Variants in SATB2 observed in about 807,000 individuals in gnomAD.
The protein encoded by SATB2 is SATB homeobox 2, also known as DNA-binding protein SATB2.
Under a neutral mutation model 73.4 loss-of-function variants are expected in SATB2, and 1 was observed. The observed-to-expected ratio is 0.01, with a 90% CI of 0.00 to 0.06. SATB2 has a LOEUF of 0.06. SATB2 is among the 10% of genes least tolerant of loss of function. The pLI is 1.00. For synonymous variants in SATB2, 397 were observed against 367.0 expected, an observed-to-expected ratio of 1.08 and a Z score of -0.93; for missense variants, 459 against 945.8, an observed-to-expected ratio of 0.49 and a Z score of 6.75.
At chr2:199,333,188 TTTC>T (rs1688238391) in intron 7 of SATB2, among the ~76,000 whole-genome samples, 1 of 152,060 alleles carries the variant, frequency 6.6e-6, no homozygotes, top group Non-Finnish European at 1.5e-5. Flanking sequence ...TATTAATTCA[TTTC>T]TTATTTATGA....
chr2:199,417,724 C>A (rs1245691062), intron 3 of SATB2, among the ~76,000 whole-genome samples: 1 of 152,088 alleles, frequency 6.6e-6, no homozygotes, highest in Non-Finnish European at 1.5e-5. Flanking sequence ...ACAATTTTAA[C>A]CAGATGATGG....
intron 10 of SATB2, among the ~76,000 whole-genome samples, chr2:199,299,887 G>T (rs1687230185): frequency 6.6e-6 from 1 of 152,104 alleles, no homozygotes; most frequent in Non-Finnish European, 1.5e-5. Context: ...CAGATGAAAT[G>T]TGACAAGGCA....
chr2:199,336,325 G>A (rs1688337856), intron 7 of SATB2, among the ~76,000 whole-genome samples: 1 of 152,028 alleles, frequency 6.6e-6, no homozygotes, highest in Non-Finnish European at 1.5e-5. Context: ...CAAGTACCTG[G>A]CACTATGACT....
chr2:199,329,057 G>A (rs1462166324), intron 7 of SATB2, 147 bp from the exon 8 acceptor site: 11 of 703,350 alleles, frequency 1.6e-5, no homozygotes, highest in East Asian at 5.4e-5. Context: ...AGGGTTCTCC[G>A]ATATGAAGTC....
intron 2 of SATB2, among the ~76,000 whole-genome samples, chr2:199,436,559 A>G (rs1235286849): frequency 6.6e-6 from 1 of 152,204 alleles, no homozygotes; most frequent in Non-Finnish European, 1.5e-5. Flanking sequence ...AATATCATAA[A>G]GGGCTTATTC....
intron 10 of SATB2, among the ~76,000 whole-genome samples, chr2:199,297,206 T>C (rs1217919124): frequency 6.6e-6 from 1 of 152,378 alleles, no homozygotes; most frequent in East Asian, 1.9e-4. Flanking sequence ...GTATTTGTTG[T>C]GAACTACACT....
chr2:199,384,455 G>T (rs368287688), intron 3 of SATB2, among the ~76,000 whole-genome samples: 6 of 152,210 alleles, frequency 3.9e-5, no homozygotes, highest in African/African-American at 1.4e-4. Flanking sequence ...GTAGAGGCTT[G>T]GAGTAACTCT....
At chr2:199,403,662 GT>G (rs1284805063) in intron 3 of SATB2, among the ~76,000 whole-genome samples, 1 of 152,080 alleles carries the variant, frequency 6.6e-6, no homozygotes, top group Non-Finnish European at 1.5e-5. Context: ...AGAAATCTCA[GT>G]TTTTTAAATA....
Position 199,464,229 on chromosome 2 carries a change from C to T in SATB2, c.-141+607G>A, listed in dbSNP as rs886446208. ...TGACGGCGGCGACTCGGGCTCAGTT[C>T]TCCCCCACCCCGTGGTGCCTTCCCT... On this transcript the variant is annotated intron_variant, in intron 1 of 11. Transcript: ENST00000260926. This position sits in a 1 kb window ranked among gnomAD's most constrained non-coding sequence, Gnocchi z 6.6. Among the ~76,000 whole-genome samples the T allele has an allele frequency of 2.6e-5, 4 of 152,172 alleles. No homozygotes were observed. The highest frequency in any genetic ancestry group is 5.9e-5 in the Non-Finnish European group (4 of 68,020).
At chr2:199,399,994 G>A (rs1690422857) in intron 3 of SATB2, among the ~76,000 whole-genome samples, 1 of 152,150 alleles carries the variant, frequency 6.6e-6, no homozygotes, top group Admixed American at 6.5e-5. Context: ...GGCAGACACT[G>A]GGATCCAAGT....
At chr2:199,322,514 C>A (rs1358663974) in intron 9 of SATB2, among the ~76,000 whole-genome samples, 2 of 152,160 alleles carry the variant, frequency 1.3e-5, no homozygotes, top group Admixed American at 6.6e-5. Context: ...TATGTCTTAG[C>A]AAACTGTATT....
exon 1 of SATB2, chr2:199,471,101 C>G (rs1489679680): frequency 1.3e-5 from 2 of 152,450 alleles, no homozygotes; most frequent in Non-Finnish European, 2.9e-5. Context: ...CTGACGCGCT[C>G]TCTCCTGGGT....
chr2:199,279,821 C>A (rs965327355), intron 10 of SATB2, among the ~76,000 whole-genome samples: 2 of 152,192 alleles, frequency 1.3e-5, no homozygotes, highest in Admixed American at 1.3e-4. Context: ...AAAAGGAAAG[C>A]ATTATCCTAC....
chr2:199,312,970 A>C (rs969739037), intron 9 of SATB2, among the ~76,000 whole-genome samples: 1 of 152,216 alleles, frequency 6.6e-6, no homozygotes, highest in Non-Finnish European at 1.5e-5. Context: ...ACTGCAGAAG[A>C]CTAAGGAGAA....
intron 10 of SATB2, among the ~76,000 whole-genome samples, chr2:199,275,749 T>A (rs1692294514): frequency 6.6e-6 from 1 of 152,162 alleles, no homozygotes; most frequent in African/African-American, 2.4e-5. Context: ...CATGATGACA[T>A]CTACATGAAG....
At chr2:199,379,862 C>A (rs1243948391) in intron 5 of SATB2, among the ~76,000 whole-genome samples, 7 of 139,700 alleles carry the variant, frequency 5.0e-5, no homozygotes, top group African/African-American at 1.0e-4. Flanking sequence ...TCTCTCCTTA[C>A]CCAGTCTCAA....
rs1292805460 is a variant in SATB2, at chr2:199,463,904, G to C, written c.-141+932C>G. Among the ~76,000 whole-genome samples, 1 of 152,186 alleles carries C rather than the reference G, an allele frequency of 6.6e-6. No homozygotes were observed. The highest frequency in any genetic ancestry group is 1.5e-5 in the Non-Finnish European group (1 of 68,032). ...GGGGCAGGCAAGCTCAGGCAGCCGG[G>C]TGCAAGGGGGCCCAAACCGCAGTTG... On this transcript the variant is annotated intron_variant, in intron 1 of 11. Coordinates refer to the SATB2 transcript ENST00000260926. This position sits in a 1 kb window ranked among gnomAD's most constrained non-coding sequence, Gnocchi z 6.4.
At chr2:199,410,038 A>T (rs752431228) in intron 3 of SATB2, among the ~76,000 whole-genome samples, 22 of 152,154 alleles carry the variant, frequency 1.4e-4, no homozygotes, top group Non-Finnish European at 2.8e-4. Flanking sequence ...GCCCAGAGTG[A>T]TTAATAACCT....
intron 10 of SATB2, among the ~76,000 whole-genome samples, chr2:199,300,424 C>T (rs1687250116): frequency 6.6e-6 from 1 of 150,790 alleles, no homozygotes; most frequent in African/African-American, 2.4e-5. Context: ...TTATACCTGG[C>T]TTCATTTACT....
Sources: allele counts gnomAD v4.1 joint callset (sites outside exome capture counted in the v4.1 genomes callset), GRCh38; gene constraint gnomAD v4.1.1; non-coding constraint Gnocchi (gnomAD v3.1); transcripts MANE v1.5; gene names NCBI Gene and HGNC (gene_info 2026-07-23, HGNC 2026-07-21).